RUNDC3B: variants seen among roughly 807,000 people sequenced by gnomAD.
The protein encoded by RUNDC3B is RUN domain-containing protein 3B.
In RUNDC3B, 33 loss-of-function variants were observed where a neutral mutation model predicts 58.4. The observed-to-expected ratio is 0.56, with a 90% CI of 0.43 to 0.75. The LOEUF (loss-of-function observed/expected upper bound fraction) is 0.75, where lower values mean the gene tolerates loss of function less well. Ranked by LOEUF, RUNDC3B falls within the 30% of genes least tolerant of loss-of-function variation. The probability of loss-of-function intolerance (pLI) is 0.00; values close to 1 mark genes in which losing one functional copy is unlikely to be tolerated. For synonymous variants in RUNDC3B, 193 were observed against 195.2 expected (o/e 0.99, Z 0.10); for missense variants, 501 against 535.7 (o/e 0.94, Z 0.64).
intron 4 of RUNDC3B, among the ~76,000 whole-genome samples, chr7:87,726,343 T>C (rs1278781618): frequency 1.3e-5 from 2 of 152,200 alleles, no homozygotes; most frequent in African/African-American, 2.4e-5. Context: ...ATTTATTAAA[T>C]AGGGAATCCT....
At chr7:87,710,989 T>A (rs570222057) in intron 4 of RUNDC3B, among the ~76,000 whole-genome samples, 1 of 152,178 alleles carries the variant, frequency 6.6e-6, no homozygotes, top group Non-Finnish European at 1.5e-5. Flanking sequence ...CAATAGCATC[T>A]TTTTTCTTTT....
At chr7:87,704,585 T>TGCACA (rs1829425691) in intron 3 of RUNDC3B, among the ~76,000 whole-genome samples, 1 of 152,238 alleles carries the variant, frequency 6.6e-6, no homozygotes, top group Admixed American at 6.5e-5. Flanking sequence ...AACTAATCCC[T>TGCACA]GCACAGCAAT....
intron 8 of RUNDC3B, among the ~76,000 whole-genome samples, chr7:87,806,974 G>A (rs1205707235): frequency 6.6e-6 from 1 of 151,256 alleles, no homozygotes; most frequent in Non-Finnish European, 1.5e-5. Context: ...AATAGATTGT[G>A]TCTGAGTTTT....
intron 6 of RUNDC3B, among the ~76,000 whole-genome samples, chr7:87,756,891 C>T (rs371854147): frequency 6.6e-6 from 1 of 152,170 alleles, no homozygotes; most frequent in East Asian, 1.9e-4. Context: ...TACCCTCTCC[C>T]TCCTCATGGT....
intron 4 of RUNDC3B, among the ~76,000 whole-genome samples, chr7:87,720,445 C>T (rs1363042870): frequency 6.6e-6 from 1 of 151,052 alleles, no homozygotes; most frequent in Admixed American, 6.6e-5. Flanking sequence ...TGGTTTTATC[C>T]AAAAAATCTA....
At chr7:87,802,697 C>A (rs1051825435) in intron 8 of RUNDC3B, among the ~76,000 whole-genome samples, 1 of 151,910 alleles carries the variant, frequency 6.6e-6, no homozygotes, top group Non-Finnish European at 1.5e-5. Context: ...TATTATGTAC[C>A]CACAAAAATT....
intron 6 of RUNDC3B, among the ~76,000 whole-genome samples, chr7:87,754,425 G>T (rs1833230477): frequency 6.6e-6 from 1 of 152,076 alleles, no homozygotes; most frequent in Non-Finnish European, 1.5e-5. Flanking sequence ...AGAATCTGTG[G>T]GACAGAGCTA....
At chr7:87,733,021 C>A (rs1010287779) in intron 4 of RUNDC3B, among the ~76,000 whole-genome samples, 1 of 152,118 alleles carries the variant, frequency 6.6e-6, no homozygotes, top group African/African-American at 2.4e-5. Context: ...GCTAGACAAC[C>A]GGTTAGACCA....
At chr7:87,737,849 ATTT>A (rs1437840365) in intron 4 of RUNDC3B, among the ~76,000 whole-genome samples, 1 of 152,032 alleles carries the variant, frequency 6.6e-6, no homozygotes, top group Non-Finnish European at 1.5e-5. Flanking sequence ...AAATTTACTT[ATTT>A]ACTAATGAGT....
chr7:87,714,804 C>T (rs1830405780), intron 4 of RUNDC3B, among the ~76,000 whole-genome samples: 1 of 151,948 alleles, frequency 6.6e-6, no homozygotes, highest in South Asian at 2.1e-4. Flanking sequence ...AGGCTCTCCA[C>T]AAGGGTCGCA....
At chr7:87,806,909 A>T (rs1467792563) in intron 8 of RUNDC3B, among the ~76,000 whole-genome samples, 1 of 152,044 alleles carries the variant, frequency 6.6e-6, no homozygotes, top group Non-Finnish European at 1.5e-5. Flanking sequence ...ATTTTTTTGC[A>T]GTCAGTTTTT....
intron 4 of RUNDC3B, among the ~76,000 whole-genome samples, chr7:87,724,934 A>T (rs999102202): frequency 3.3e-5 from 5 of 152,040 alleles, no homozygotes; most frequent in African/African-American, 1.2e-4. Flanking sequence ...TAGAAAAGAA[A>T]TAATTATTCA....
intron 6 of RUNDC3B, among the ~76,000 whole-genome samples, chr7:87,742,411 C>T (rs1057308014): frequency 3.9e-5 from 6 of 152,094 alleles, no homozygotes; most frequent in Non-Finnish European, 8.8e-5. Flanking sequence ...TATGCCTTTG[C>T]GTCCTCATGG....
chr7:87,808,677 T>C (rs139134912), intron 9 of RUNDC3B, among the ~76,000 whole-genome samples: 97 of 152,256 alleles, frequency 6.4e-4, no homozygotes, highest in East Asian at 5.2e-3. Context: ...GTACTGACTT[T>C]TGATATTTCA....
chr7:87,728,767 G>A (rs1169304121), intron 4 of RUNDC3B, among the ~76,000 whole-genome samples: 1 of 152,080 alleles, frequency 6.6e-6, no homozygotes, highest in African/African-American at 2.4e-5. Context: ...ATTTTAGAAG[G>A]CATTATGCTA....
chr7:87,771,082 G>C (rs761943178), intron 7 of RUNDC3B, among the ~76,000 whole-genome samples: 24 of 152,282 alleles, frequency 1.6e-4, no homozygotes, highest in Middle Eastern at 6.8e-3. Context: ...ACGTACATCT[G>C]ATTTTTTGAA....
chr7:87,634,244 T>G lies in RUNDC3B; in HGVS notation c.122+5299T>G, dbSNP rs79377334. Among the ~76,000 whole-genome samples, 1,345 of 152,124 alleles carry G rather than the reference T, an allele frequency of 8.8e-3. 14 individuals carry two copies. Among genetic ancestry groups the G allele is most frequent in the Admixed American group, 0.025 (381 of 15,282 alleles). ...TGCTAGGCCCCACCTCCCAACACCA[T>G]CACATTGGAGATCAAATTTCAACAT... On this transcript the variant is annotated intron_variant, in intron 1 of 10. Transcript: ENST00000394654.
chr7:87,767,330 T>TA (rs1563195997), intron 6 of RUNDC3B, among the ~76,000 whole-genome samples: 1 of 152,220 alleles, frequency 6.6e-6, no homozygotes, highest in Non-Finnish European at 1.5e-5. Flanking sequence ...CCAGAGTTCT[T>TA]ACACTAATTC....
intron 7 of RUNDC3B, among the ~76,000 whole-genome samples, chr7:87,776,784 T>A (rs1007145700): frequency 2.0e-5 from 3 of 152,076 alleles, no homozygotes; most frequent in Middle Eastern, 3.4e-3. Context: ...AAAAAATAAG[T>A]TCTTGAAGAA....
Sources: allele counts gnomAD v4.1 joint callset (sites outside exome capture counted in the v4.1 genomes callset), GRCh38; gene constraint gnomAD v4.1.1; transcripts MANE v1.5; gene names NCBI Gene and HGNC (gene_info 2026-07-23, HGNC 2026-07-21).